The following POU6F2 variants were observed in gnomAD, a reference collection of about 807,000 sequenced individuals.
POU6F2 encodes the protein POU domain, class 6, transcription factor 2.
POU6F2 carries 31 observed loss-of-function variants against 71.3 expected under a neutral mutation model. The ratio of observed to expected loss-of-function variants is 0.43; its 90% CI spans 0.33 to 0.59. The LOEUF (loss-of-function observed/expected upper bound fraction) is 0.59. Ranked by LOEUF, POU6F2 falls within the 20% of genes least tolerant of loss-of-function variation. POU6F2 has a pLI of 0.04. For missense variants in POU6F2, 783 were observed against 856.8 expected (o/e 0.91, Z 1.07); for synonymous variants, 347 against 355.7 (o/e 0.98, Z 0.27).
chr7:39,293,154 C>G (rs944968207), intron 4 of POU6F2, among the ~76,000 whole-genome samples: 1 of 152,202 alleles, frequency 6.6e-6, no homozygotes, highest in African/African-American at 2.4e-5. Context: ...TGCCTCTGCC[C>G]GGCCCCGACG....
intron 2 of POU6F2, among the ~76,000 whole-genome samples, chr7:39,127,252 C>T (rs1021032225): frequency 3.3e-5 from 5 of 152,046 alleles, no homozygotes; most frequent in South Asian, 2.1e-4. Flanking sequence ...CTTGTGGCTG[C>T]GATAATAACA....
chr7:39,226,514 C>G (rs1412232892), intron 4 of POU6F2, among the ~76,000 whole-genome samples: 1 of 152,150 alleles, frequency 6.6e-6, no homozygotes, highest in Non-Finnish European at 1.5e-5. Flanking sequence ...CTCCTTAGTT[C>G]TTCATTGTTT....
At chr7:39,377,196 T>TCTCG (rs1452706744) in intron 5 of POU6F2, among the ~76,000 whole-genome samples, 1 of 151,280 alleles carries the variant, frequency 6.6e-6, no homozygotes, top group East Asian at 1.9e-4. Flanking sequence ...AGTGGTGTGA[T>TCTCG]CTCGGCTCAC....
Position 39,085,909 on chromosome 7 carries a change from G to A in POU6F2, c.155G>A (p.Ser52Asn). 1 of 1,613,518 alleles carries A rather than the reference G, an allele frequency of 6.2e-7. No homozygotes were observed. Among genetic ancestry groups the A allele is most frequent in the Non-Finnish European group, 8.5e-7 (1 of 1,179,724 alleles). ...AGTAAGCCCTTGCTGTCAGTGCGGA[G>A]TGAAATGAATGCGGAGTTGAGAGGT... ...QVSKPLLSVR[S>N]EMNAELRGED... Residue 52 changes from serine (S) to asparagine (N), a missense_variant, in exon 2 of 10, where the codon AGT becomes AAT. Physicochemically the swap from Ser to Asn is conservative, Grantham distance 46 (BLOSUM62 1). Transcript: ENST00000518318.
At position 39,378,887 on chromosome 7, in the gene POU6F2, C is replaced by T. The variant is rs1442506113; in HGVS notation, c.973-27713C>T. Among the ~76,000 whole-genome samples, 3 of 152,216 alleles carry T rather than the reference C, an allele frequency of 2.0e-5. No individual in the cohort carries two copies. The East Asian group carries it at 5.8e-4, about 29-fold the overall frequency. On this transcript the variant is annotated intron_variant, in intron 5 of 9. Transcript: ENST00000518318. ...AGAATTATGTAGTTCTTTAAGCTCTCTTGATGCTCACGTTATAACTGAATT... is the reference window on the plus strand; with the variant it reads ...AGAATTATGTAGTTCTTTAAGCTCTTTTGATGCTCACGTTATAACTGAATT...
At chr7:39,089,567 C>T (rs1374455599) in intron 2 of POU6F2, among the ~76,000 whole-genome samples, 2 of 152,158 alleles carry the variant, frequency 1.3e-5, no homozygotes, top group Non-Finnish European at 2.9e-5. Context: ...TCTCTAGTGA[C>T]ATTTATAGTA....
chr7:39,136,597 A>G (rs1209058184), intron 2 of POU6F2, among the ~76,000 whole-genome samples: 1 of 152,200 alleles, frequency 6.6e-6, no homozygotes, highest in African/African-American at 2.4e-5. Context: ...ATATGCTTGT[A>G]AAATAGGCAA....
intron 4 of POU6F2, among the ~76,000 whole-genome samples, chr7:39,295,111 G>A (rs1784822780): frequency 6.6e-6 from 1 of 150,672 alleles, no homozygotes; most frequent in Non-Finnish European, 1.5e-5. Flanking sequence ...TTGCATTCTG[G>A]TAGTCCTAAG....
intron 2 of POU6F2, among the ~76,000 whole-genome samples, chr7:39,096,892 T>A (rs779439432): frequency 5.3e-5 from 8 of 152,224 alleles, no homozygotes; most frequent in Admixed American, 6.5e-5. Context: ...TTAGCTTATA[T>A]AATGAAATAC....
chr7:39,361,086 G>A (rs1011978453), intron 5 of POU6F2, among the ~76,000 whole-genome samples: 4 of 152,090 alleles, frequency 2.6e-5, no homozygotes, highest in Non-Finnish European at 4.4e-5. Flanking sequence ...CCCCAAACAG[G>A]CAAAAGGTTT....
At chr7:39,401,561 C>T (rs759130527) in intron 5 of POU6F2, among the ~76,000 whole-genome samples, 1 of 152,084 alleles carries the variant, frequency 6.6e-6, no homozygotes, top group Non-Finnish European at 1.5e-5. Context: ...TGTGGAAGTA[C>T]TGATTTGGTT....
rs546652325 is a variant in POU6F2 at position 39,147,918 on chromosome 7, C to T, written c.278-56317C>T. Among the ~76,000 whole-genome samples, 4 of 152,316 alleles carry T rather than the reference C, an allele frequency of 2.6e-5. No individual in the cohort carries two copies. The South Asian group carries it at 8.3e-4, about 32-fold the overall frequency. ...CACTTTTATGCAGTCTATGACCATA[C>T]ACACTCATGCACACTCTCCAAATCT... On this transcript the variant is annotated intron_variant, in intron 2 of 9. Transcript: ENST00000518318.
chr7:39,183,058 G>A (rs977940502), intron 2 of POU6F2, among the ~76,000 whole-genome samples: 1 of 152,194 alleles, frequency 6.6e-6, no homozygotes, highest in Non-Finnish European at 1.5e-5. Context: ...AGCAGGAGGT[G>A]AGAGGCAGGC....
At chr7:39,275,365 A>T (rs1347751059) in intron 4 of POU6F2, among the ~76,000 whole-genome samples, 1 of 152,230 alleles carries the variant, frequency 6.6e-6, no homozygotes, top group Non-Finnish European at 1.5e-5. Flanking sequence ...GACCTCTTCA[A>T]GGAGAACTAC....
intron 2 of POU6F2, among the ~76,000 whole-genome samples, chr7:39,100,091 G>C (rs1425047800): frequency 1.3e-5 from 2 of 152,184 alleles, no homozygotes; most frequent in Non-Finnish European, 2.9e-5. Flanking sequence ...TTATGTGTTA[G>C]GCATGGGAAC....
chr7:39,346,939 G>T (rs1245635510), intron 5 of POU6F2, among the ~76,000 whole-genome samples: 1 of 152,222 alleles, frequency 6.6e-6, no homozygotes, highest in Non-Finnish European at 1.5e-5. Context: ...CACCTGTGCT[G>T]TGCATTGTCC....
chr7:39,338,047 G>A (rs957469689), intron 4 of POU6F2, among the ~76,000 whole-genome samples: 5 of 152,192 alleles, frequency 3.3e-5, no homozygotes, highest in African/African-American at 1.2e-4. Flanking sequence ...AAGCAGTATG[G>A]TATTTAAGTC....
intron 1 of POU6F2, among the ~76,000 whole-genome samples, chr7:38,991,395 A>T (rs540763817): frequency 1.1e-4 from 17 of 152,286 alleles, no homozygotes; most frequent in African/African-American, 3.8e-4. Context: ...TTGGTTTGCT[A>T]GCATCTTGTG....
At chr7:39,059,385 G>A (rs1385497192) in intron 1 of POU6F2, among the ~76,000 whole-genome samples, 1 of 151,790 alleles carries the variant, frequency 6.6e-6, no homozygotes, top group Non-Finnish European at 1.5e-5. Context: ...TTAGAAACTT[G>A]CATGTGATAT....
Sources: allele counts gnomAD v4.1 joint callset (sites outside exome capture counted in the v4.1 genomes callset), GRCh38; gene constraint gnomAD v4.1.1; transcripts MANE v1.5; gene names NCBI Gene and HGNC (gene_info 2026-07-23, HGNC 2026-07-21).